Variants in DENND2C observed in about 807,000 individuals in gnomAD.
DENND2C encodes the protein DENN domain-containing protein 2C.
A neutral mutation model predicts 112.4 loss-of-function variants in DENND2C; 72 were observed. The observed-to-expected ratio is 0.64, with a 90% CI of 0.53 to 0.78. DENND2C has a LOEUF of 0.78. Among genes scored for constraint, DENND2C ranks in the 30% least tolerant of loss-of-function variants. The pLI, the probability that DENND2C is intolerant of heterozygous loss-of-function variation, is 0.00. For synonymous variants in DENND2C, 329 were observed against 381.6 expected, an observed-to-expected ratio of 0.86 and a Z score of 1.61; for missense variants, 992 against 1,113.8, an observed-to-expected ratio of 0.89 and a Z score of 1.56.
intron 3 of DENND2C, among the ~76,000 whole-genome samples, chr1:114,636,661 T>TA (rs1656665236): frequency 6.6e-6 from 1 of 152,034 alleles, no homozygotes; most frequent in Non-Finnish European, 1.5e-5. Context: ...AGTGAAACCC[T>TA]GTCTCAAACA....
chr1:114,624,426 G>A (rs909993007), intron 4 of DENND2C, among the ~76,000 whole-genome samples: 2 of 151,882 alleles, frequency 1.3e-5, no homozygotes, highest in South Asian at 2.1e-4. Context: ...TAGGTAGGAC[G>A]ACAGGAACAC....
intron 1 of DENND2C, among the ~76,000 whole-genome samples, chr1:114,655,900 A>G (rs896981958): frequency 2.8e-5 from 4 of 143,716 alleles, no homozygotes; most frequent in African/African-American, 5.2e-5. Flanking sequence ...ATATATATAT[A>G]ATATGTATGT....
intron 3 of DENND2C, among the ~76,000 whole-genome samples, chr1:114,634,498 C>T (rs1656591460): frequency 6.6e-6 from 1 of 151,978 alleles, no homozygotes. Flanking sequence ...CAAAAATACT[C>T]TTTTCAAGTG....
chr1:114,619,808 A>G (rs1356000322), intron 7 of DENND2C, among the ~76,000 whole-genome samples: 1 of 152,246 alleles, frequency 6.6e-6, no homozygotes, highest in African/African-American at 2.4e-5. Context: ...TCAAAAGTAT[A>G]TTCAAGTATA....
intron 2 of DENND2C, among the ~76,000 whole-genome samples, chr1:114,650,023 T>C (rs962227227): frequency 3.3e-4 from 51 of 152,262 alleles, no homozygotes; most frequent in African/African-American, 1.1e-3. Context: ...CAGAGTTATA[T>C]AAAATGATGC....
At chr1:114,622,846 A>AAC (rs1314763378) in intron 6 of DENND2C, 141 bp downstream of exon 6, 6 of 565,630 alleles carry the variant, frequency 1.1e-5, no homozygotes, top group African/African-American at 3.9e-5. Flanking sequence ...AAACAAAACA[A>AAC]AAATTAAAAA....
At chr1:114,591,810 G>A (rs1655197998) in intron 18 of DENND2C, among the ~76,000 whole-genome samples, 2 of 151,054 alleles carry the variant, frequency 1.3e-5, no homozygotes, top group African/African-American at 2.4e-5. Context: ...AGTGTGAGGT[G>A]TAGATCCATA....
At chr1:114,594,344 T>G in intron 18 of DENND2C, 129 bp downstream of exon 18, 1 of 719,350 alleles carries the variant, frequency 1.4e-6, no homozygotes. Flanking sequence ...AGGAAGCTGA[T>G]TATAGGATTT....
intron 3 of DENND2C, among the ~76,000 whole-genome samples, chr1:114,631,769 G>A (rs1418339693): frequency 6.6e-6 from 1 of 151,944 alleles, no homozygotes; most frequent in Non-Finnish European, 1.5e-5. Context: ...GCAACAGAGC[G>A]AGACTCTGTC....
chr1:114,621,279 G>GA (rs925153932), intron 7 of DENND2C, among the ~76,000 whole-genome samples: 56 of 151,058 alleles, frequency 3.7e-4, no homozygotes, highest in African/African-American at 1.1e-3. Context: ...AAATAAATAA[G>GA]AAAAAAAAAT....
At chr1:114,669,250 G>A (rs755647095) in intron 1 of DENND2C, among the ~76,000 whole-genome samples, 22 of 152,146 alleles carry the variant, frequency 1.4e-4, no homozygotes, top group Non-Finnish European at 3.1e-4. Flanking sequence ...GTAGAATACT[G>A]TCACTCATCT....
At chr1:114,587,236 G>T in intron 20 of DENND2C, 151 bp downstream of exon 20, 1 of 777,142 alleles carries the variant, frequency 1.3e-6, no homozygotes, top group South Asian at 1.6e-5. Context: ...GTGTAGGGAT[G>T]GGGTCTCACT....
intron 5 of DENND2C, 104 bp downstream of exon 5, chr1:114,623,403 T>C (rs556637266): frequency 5.2e-6 from 6 of 1,154,782 alleles, no homozygotes; most frequent in Non-Finnish European, 7.3e-6. Flanking sequence ...GAGAAAAACC[T>C]AGAGCAATAT....
intron 1 of DENND2C, among the ~76,000 whole-genome samples, chr1:114,662,952 C>CAAGAA (rs1377905231): frequency 6.6e-6 from 1 of 150,444 alleles, no homozygotes; most frequent in Non-Finnish European, 1.5e-5. Context: ...AGAGAAAGAC[C>CAAGAA]AAGAAAAGAA....
intron 3 of DENND2C, among the ~76,000 whole-genome samples, chr1:114,631,285 G>C (rs1003218876): frequency 5.9e-5 from 9 of 151,856 alleles, no homozygotes; most frequent in Admixed American, 5.9e-4. Flanking sequence ...CTGAGGGAGG[G>C]GAACTGCTTG....
At chr1:114,647,073 C>T (rs1657010193) in intron 2 of DENND2C, among the ~76,000 whole-genome samples, 1 of 151,604 alleles carries the variant, frequency 6.6e-6, no homozygotes, top group Non-Finnish European at 1.5e-5. Flanking sequence ...CGCAGGAGAA[C>T]TGCTTCAACC....
Position 114,623,097 on chromosome 1 carries a change from G to T in DENND2C, c.946C>A (p.Pro316Thr), listed in dbSNP as rs1177795343. 1 of 1,598,104 alleles carries T rather than the reference G, an allele frequency of 6.3e-7. No homozygotes were observed. The highest frequency in any genetic ancestry group is 8.5e-7 in the Non-Finnish European group (1 of 1,174,130). Residue 316 changes from proline to threonine, a missense_variant and splice_region_variant, in exon 6 of 21, where the codon CCC (proline) becomes ACC (threonine). Physicochemically the swap from Pro to Thr is conservative, Grantham distance 38. Coordinates refer to ENST00000393274, the MANE Select transcript of DENND2C (RefSeq NM_001256404.2). ...TCTTCATATGGATTTTCTTTGGTGG[G>T]ATCTTAAAAAATAATTTAAAAAAAT... ...EDNIYEDIIY[P>T]TKENPYEDIP...
At chr1:114,618,111 C>G (rs1208252735) in intron 8 of DENND2C, among the ~76,000 whole-genome samples, 1 of 151,990 alleles carries the variant, frequency 6.6e-6, no homozygotes, top group East Asian at 1.9e-4. Context: ...GCCTCAGCCT[C>G]TTGAGTAGCT....
At chr1:114,648,087 C>T (rs887213552) in intron 2 of DENND2C, among the ~76,000 whole-genome samples, 1 of 152,204 alleles carries the variant, frequency 6.6e-6, no homozygotes, top group Non-Finnish European at 1.5e-5. Context: ...GGATTACAGG[C>T]GTGAGTCACC....
Sources: gnomAD v4.1 joint callset for allele counts (sites outside exome capture counted in the v4.1 genomes callset) on GRCh38, gnomAD v4.1.1 for gene constraint, MANE v1.5 for transcripts, NCBI Gene and HGNC (gene_info 2026-07-23, HGNC 2026-07-21) for gene names.